The following LRIG1 variants were observed in gnomAD, a reference collection of about 807,000 sequenced individuals.
LRIG1 encodes leucine-rich repeats and immunoglobulin-like domains protein 1.
In LRIG1, 48 loss-of-function variants were observed where a neutral mutation model predicts 99.2. That is an observed-to-expected ratio of 0.48 (90% CI 0.38 to 0.62). LRIG1 has a LOEUF of 0.62. Ranked by LOEUF, LRIG1 falls within the 20% of genes least tolerant of loss-of-function variation. LRIG1 has a pLI of 0.00. For synonymous variants in LRIG1, 772 were observed against 596.1 expected (o/e 1.29, Z -4.30); for missense variants, 1,646 against 1,434.4 (o/e 1.15, Z -2.38).
At chr3:66,382,473 T>A (rs1420659706) in intron 15 of LRIG1, 75 bp from the exon 16 acceptor site, 5 of 1,557,280 alleles carry the variant, frequency 3.2e-6, no homozygotes, top group Non-Finnish European at 4.4e-6. Flanking sequence ...ACTGTCAAGC[T>A]CAGAAAGGGG....
At chr3:66,410,096 A>G (rs779273445) in intron 7 of LRIG1, 33 bp downstream of exon 7, 40 of 1,582,540 alleles carry the variant, frequency 2.5e-5, no homozygotes, top group Non-Finnish European at 3.1e-5. Flanking sequence ...GTGTCTAAAA[A>G]CACTGCCACA....
intron 2 of LRIG1, among the ~76,000 whole-genome samples, chr3:66,455,224 C>T (rs1416821976): frequency 4.6e-5 from 7 of 152,124 alleles, no homozygotes; most frequent in African/African-American, 1.7e-4. Flanking sequence ...AGATTACAGG[C>T]GTGAGCCACC....
intron 14 of LRIG1, 113 bp downstream of exon 14, chr3:66,383,878 C>T: frequency 7.0e-7 from 1 of 1,423,606 alleles, no homozygotes; most frequent in Non-Finnish European, 9.3e-7. Context: ...AAATTTCAAA[C>T]AGGGTCGAAA....
chr3:66,384,953 A>G (rs567834287), intron 13 of LRIG1, among the ~76,000 whole-genome samples: 12 of 152,316 alleles, frequency 7.9e-5, no homozygotes, highest in African/African-American at 2.6e-4. Flanking sequence ...AGGACTTGGA[A>G]TAAGCCAAGA....
At chr3:66,429,960 G>A (rs1250907804) in intron 3 of LRIG1, among the ~76,000 whole-genome samples, 2 of 152,132 alleles carry the variant, frequency 1.3e-5, no homozygotes, top group East Asian at 1.9e-4. Flanking sequence ...CTGCAGTCTC[G>A]ACTGGGTAGA....
chr3:66,465,375 T>C (rs1700450566), intron 1 of LRIG1, among the ~76,000 whole-genome samples: 1 of 146,096 alleles, frequency 6.8e-6, no homozygotes, highest in Non-Finnish European at 1.5e-5. Flanking sequence ...TTTTTTTTTT[T>C]TTTTTTTGAG....
At chr3:66,467,499 A>G (rs1446753086) in intron 1 of LRIG1, among the ~76,000 whole-genome samples, 1 of 151,916 alleles carries the variant, frequency 6.6e-6, no homozygotes. Flanking sequence ...AGCTGGGACT[A>G]CAGTCACCTG....
At position 66,406,259 on chromosome 3, in the gene LRIG1, TC is replaced by T. The variant is rs897382428; in HGVS notation, c.1080-982del. The stretch of plus-strand genomic sequence containing the variant: ...GGACTTCTCCTCTCAATGGGTTCCT[TC>T]CTATCATCTGCATACTGAAAAAACC... On this transcript the variant is annotated intron_variant, in intron 8 of 18. Coordinates refer to ENST00000273261, the MANE Select transcript of LRIG1 (RefSeq NM_015541.3). 1.2e-5 allele frequency: 12 copies of T among 985,242 alleles called. No homozygotes were observed. The African/African-American group carries it at 1.9e-4, about 16-fold the overall frequency. The allele number at this position is 985,242 out of a possible 1,614,324, so 61.0% of individuals were successfully genotyped here.
At chr3:66,473,112 A>C (rs2106872526) in intron 1 of LRIG1, among the ~76,000 whole-genome samples, 1 of 152,304 alleles carries the variant, frequency 6.6e-6, no homozygotes, top group Non-Finnish European at 1.5e-5. Context: ...CTGGGTTACA[A>C]AAGAGCAATG....
intron 3 of LRIG1, among the ~76,000 whole-genome samples, chr3:66,439,437 T>C (rs1038405787): frequency 3.9e-5 from 6 of 152,218 alleles, no homozygotes; most frequent in African/African-American, 1.4e-4. Context: ...TAGCATCCAA[T>C]TCCAAACACA....
chr3:66,451,474 G>C (rs766960588), intron 3 of LRIG1, 85 bp downstream of exon 3: 20 of 1,161,352 alleles, frequency 1.7e-5, no homozygotes, highest in Non-Finnish European at 2.1e-5. Flanking sequence ...ATGAACTCAA[G>C]TTATCCTGCC....
chr3:66,480,823 G>A (rs1004887151), intron 1 of LRIG1, among the ~76,000 whole-genome samples: 1 of 152,172 alleles, frequency 6.6e-6, no homozygotes, highest in African/African-American at 2.4e-5. Context: ...GCTCCCAGTG[G>A]CCATTCAAAA....
chr3:66,416,901 G>C (rs894640849), intron 4 of LRIG1, among the ~76,000 whole-genome samples: 7 of 152,254 alleles, frequency 4.6e-5, no homozygotes, highest in African/African-American at 1.7e-4. Context: ...TCTGTCCCTT[G>C]TCTGTCTGTA....
chr3:66,439,449 C>T (rs1355468259), intron 3 of LRIG1, among the ~76,000 whole-genome samples: 1 of 152,186 alleles, frequency 6.6e-6, no homozygotes, highest in Non-Finnish European at 1.5e-5. Flanking sequence ...CCAAACACAA[C>T]CTTCACAAAA....
rs116003176 is a variant in LRIG1 at position 66,424,745 on chromosome 3, T to C, written c.366-7479A>G. 2.4e-3 allele frequency among the ~76,000 whole-genome samples: 361 copies of C among 152,338 alleles called. 1 individual carries two copies. Among genetic ancestry groups the C allele is most frequent in the African/African-American group, 8.2e-3 (343 of 41,586 alleles). On this transcript the variant is annotated intron_variant, in intron 3 of 18. Transcript: ENST00000273261. ...GACTTACGATGGTTCAGCTTAACGA[T>C]TTCTGGACTTCACAATGGTGCAAAA... is the stretch of plus-strand genomic sequence containing the variant.
At chr3:66,468,723 G>C (rs1700531107) in intron 1 of LRIG1, among the ~76,000 whole-genome samples, 1 of 152,000 alleles carries the variant, frequency 6.6e-6, no homozygotes, top group Admixed American at 6.6e-5. Context: ...TGCCTGCTTG[G>C]GACTCACCAG....
intron 7 of LRIG1, among the ~76,000 whole-genome samples, chr3:66,408,598 G>A (rs185827927): frequency 6.6e-6 from 1 of 152,208 alleles, no homozygotes; most frequent in Non-Finnish European, 1.5e-5. Flanking sequence ...ACACTGGTGA[G>A]TCAGAGGATG....
At chr3:66,438,686 G>A (rs953399389) in intron 3 of LRIG1, among the ~76,000 whole-genome samples, 7 of 152,174 alleles carry the variant, frequency 4.6e-5, no homozygotes, top group Non-Finnish European at 1.0e-4. Flanking sequence ...CCCGACAAGA[G>A]GACGGTGAGA....
chr3:66,443,195 G>T (rs1575695572), intron 3 of LRIG1, among the ~76,000 whole-genome samples: 1 of 151,912 alleles, frequency 6.6e-6, no homozygotes, highest in African/African-American at 2.4e-5. Flanking sequence ...CTCCTTGGTG[G>T]TATCCAGCAT....
Sources: allele counts gnomAD v4.1 joint callset (sites outside exome capture counted in the v4.1 genomes callset), GRCh38; gene constraint gnomAD v4.1.1; transcripts MANE v1.5; gene names NCBI Gene and HGNC (gene_info 2026-07-23, HGNC 2026-07-21).